Variants in SLC4A7 observed in about 807,000 individuals in gnomAD.
SLC4A7 encodes the protein sodium bicarbonate cotransporter 3.
Under a neutral mutation model 137.6 loss-of-function variants are expected in SLC4A7, and 51 were observed. The ratio of observed to expected loss-of-function variants is 0.37; its 90% CI spans 0.30 to 0.47. The LOEUF (loss-of-function observed/expected upper bound fraction) is 0.47, where lower values mean the gene tolerates loss of function less well. SLC4A7 is among the 20% of genes least tolerant of loss of function. The pLI, the probability that SLC4A7 is intolerant of heterozygous loss-of-function variation, is 1.00. For missense variants in SLC4A7, 1,247 were observed against 1,525.4 expected, an observed-to-expected ratio of 0.82 and a Z score of 3.04; for synonymous variants, 542 against 518.6, an observed-to-expected ratio of 1.05 and a Z score of -0.61.
chr3:27,460,024 C>CATAT (rs201915636), intron 1 of SLC4A7, among the ~76,000 whole-genome samples: 9 of 147,622 alleles, frequency 6.1e-5, no homozygotes, highest in South Asian at 4.3e-4. Flanking sequence ...TATATATACA[C>CATAT]ATATATATAT....
intron 1 of SLC4A7, among the ~76,000 whole-genome samples, chr3:27,461,613 A>G (rs114597964): frequency 2.0e-3 from 305 of 151,526 alleles, no homozygotes; most frequent in Middle Eastern, 6.8e-3. Context: ...TTACAAAAAA[A>G]AAAAAAAAAA....
Position 27,437,504 on chromosome 3 carries a change from C to T in SLC4A7, c.312G>A (p.Gln104=). The T allele has an allele frequency of 6.3e-7, 1 of 1,591,740 alleles. No homozygotes were observed. Among genetic ancestry groups the T allele is most frequent in the Non-Finnish European group, 8.5e-7 (1 of 1,169,662 alleles). ...PSYDTPSQRV[Q]FILGTEDDDE... ...CATCATCTTCAGTACCAAGGATAAACTGAACTCTCTGGGATGGTGTATCTT... is the reference window on the plus strand; with the variant it reads ...CATCATCTTCAGTACCAAGGATAAATTGAACTCTCTGGGATGGTGTATCTT... The change falls in exon 4 of 26, where the codon CAG becomes CAA. Residue 104 remains glutamine (Q), a synonymous_variant. Coordinates refer to ENST00000454389, the MANE Select transcript of SLC4A7 (RefSeq NM_001321103.2).
At chr3:27,478,377 G>T (rs753624304) in intron 1 of SLC4A7, among the ~76,000 whole-genome samples, 2 of 151,182 alleles carry the variant, frequency 1.3e-5, no homozygotes, top group East Asian at 4.0e-4. Flanking sequence ...AATTAGCCGG[G>T]CGTGGTGGCG....
intron 3 of SLC4A7, among the ~76,000 whole-genome samples, chr3:27,439,789 C>T (rs1442157968): frequency 6.6e-6 from 1 of 152,118 alleles, no homozygotes; most frequent in Non-Finnish European, 1.5e-5. Context: ...GACATCCTTT[C>T]CTTTTCCCAA....
intron 1 of SLC4A7, among the ~76,000 whole-genome samples, chr3:27,481,784 C>G (rs6809458): frequency 0.15 from 23,138 of 152,184 alleles, 1,947 homozygotes; most frequent in South Asian, 0.27. Context: ...ACGTCATTAA[C>G]AGCAGTGTTT....
intron 11 of SLC4A7, among the ~76,000 whole-genome samples, chr3:27,415,624 G>A (rs550450851): frequency 8.5e-5 from 13 of 152,216 alleles, no homozygotes; most frequent in Non-Finnish European, 1.8e-4. Context: ...GATGGCAGAA[G>A]CTGCTTCTCC....
intron 1 of SLC4A7, among the ~76,000 whole-genome samples, chr3:27,466,929 A>C (rs145813241): frequency 1.3e-5 from 2 of 152,320 alleles, no homozygotes; most frequent in African/African-American, 4.8e-5. Context: ...GGGAAGAATA[A>C]TCTCCATTAA....
chr3:27,466,694 A>T (rs558846076), intron 1 of SLC4A7, among the ~76,000 whole-genome samples: 7 of 151,900 alleles, frequency 4.6e-5, no homozygotes, highest in African/African-American at 1.7e-4. Context: ...CCATCTCTAT[A>T]AAAAATACCA....
At chr3:27,449,647 T>TA (rs1409097794) in intron 2 of SLC4A7, among the ~76,000 whole-genome samples, 1 of 152,118 alleles carries the variant, frequency 6.6e-6, no homozygotes, top group African/African-American at 2.4e-5. Flanking sequence ...ACAAAATAGT[T>TA]ATGAAAGGCA....
chr3:27,427,670 T>C (rs73824929), intron 7 of SLC4A7, among the ~76,000 whole-genome samples: 4,847 of 152,116 alleles, frequency 0.032, 263 homozygotes, highest in African/African-American at 0.11. Context: ...GGAAACTCCA[T>C]TAGAGTTTCT....
intron 1 of SLC4A7, among the ~76,000 whole-genome samples, chr3:27,457,889 T>TAACA (rs2058494341): frequency 6.6e-6 from 1 of 152,172 alleles, no homozygotes; most frequent in Non-Finnish European, 1.5e-5. Context: ...TTATCATGGG[T>TAACA]AACAAACACT....
At chr3:27,446,808 T>C (rs2150502504) in intron 3 of SLC4A7, among the ~76,000 whole-genome samples, 1 of 152,052 alleles carries the variant, frequency 6.6e-6, no homozygotes, top group African/African-American at 2.4e-5. Flanking sequence ...GCTAGCTACA[T>C]GACCACTTAG....
At chr3:27,457,722 T>G (rs749417652) in intron 1 of SLC4A7, among the ~76,000 whole-genome samples, 1 of 152,200 alleles carries the variant, frequency 6.6e-6, no homozygotes, top group Non-Finnish European at 1.5e-5. Context: ...TTTCCAAATG[T>G]CACATTTCAT....
intron 7 of SLC4A7, among the ~76,000 whole-genome samples, chr3:27,426,517 A>G (rs549722543): frequency 2.6e-4 from 39 of 152,308 alleles, no homozygotes; most frequent in African/African-American, 7.2e-4. Context: ...CTGTGTATAT[A>G]TATCATCAAA....
chr3:27,381,961 C>A (rs576111235), intron 24 of SLC4A7, among the ~76,000 whole-genome samples: 143 of 152,010 alleles, frequency 9.4e-4, no homozygotes, highest in Non-Finnish European at 1.7e-3. Flanking sequence ...TGGTGGCAGG[C>A]GCCTGTAATC....
At chr3:27,396,630 T>C (rs933828139) in intron 18 of SLC4A7, among the ~76,000 whole-genome samples, 5 of 152,196 alleles carry the variant, frequency 3.3e-5, no homozygotes, top group Admixed American at 3.3e-4. Flanking sequence ...CTCAGTGCAA[T>C]ATTATAAAAT....
chr3:27,464,989 A>T (rs999462854), intron 1 of SLC4A7, among the ~76,000 whole-genome samples: 5 of 152,058 alleles, frequency 3.3e-5, no homozygotes, highest in Admixed American at 1.3e-4. Flanking sequence ...CTTTCAAAGT[A>T]TCTGCGTGCC....
At chr3:27,426,953 T>C (rs982647681) in intron 7 of SLC4A7, among the ~76,000 whole-genome samples, 34 of 152,272 alleles carry the variant, frequency 2.2e-4, no homozygotes, top group African/African-American at 7.9e-4. Context: ...AGGAAAAAAA[T>C]ATATGTATAA....
intron 1 of SLC4A7, among the ~76,000 whole-genome samples, chr3:27,477,008 C>T (rs1417421579): frequency 1.3e-5 from 2 of 152,190 alleles, no homozygotes; most frequent in Non-Finnish European, 2.9e-5. Flanking sequence ...GGCAGAGAGG[C>T]AAATTTCAGA....
Sources: allele counts gnomAD v4.1 joint callset (sites outside exome capture counted in the v4.1 genomes callset), GRCh38; gene constraint gnomAD v4.1.1; transcripts MANE v1.5; gene names NCBI Gene and HGNC (gene_info 2026-07-23, HGNC 2026-07-21).